KCNIP1: variants seen among roughly 807,000 people sequenced by gnomAD.
KCNIP1 encodes potassium voltage-gated channel interacting protein 1, also known as A-type potassium channel modulatory protein KCNIP1.
Under a neutral mutation model 33.0 loss-of-function variants are expected in KCNIP1, and 18 were observed. The ratio of observed to expected loss-of-function variants is 0.55; its 90% CI spans 0.38 to 0.81. The LOEUF (loss-of-function observed/expected upper bound fraction) is 0.81, where lower values mean the gene tolerates loss of function less well. KCNIP1 is among the 30% of genes least tolerant of loss of function. The pLI is 0.00. For missense variants in KCNIP1, 238 were observed against 271.6 expected, an observed-to-expected ratio of 0.88 and a Z score of 0.87; for synonymous variants, 93 against 98.3, an observed-to-expected ratio of 0.95 and a Z score of 0.32.
At chr5:170,644,023 T>C (rs1172803737) in intron 1 of KCNIP1, among the ~76,000 whole-genome samples, 1 of 152,218 alleles carries the variant, frequency 6.6e-6, no homozygotes, top group Non-Finnish European at 1.5e-5. Flanking sequence ...AAACCACCAG[T>C]GCAAACCTTT....
intron 1 of KCNIP1, among the ~76,000 whole-genome samples, chr5:170,566,340 G>A (rs903081783): frequency 6.6e-5 from 10 of 152,124 alleles, no homozygotes; most frequent in Non-Finnish European, 1.5e-4. Context: ...TGATCCACCC[G>A]CCTCAGCCTC....
chr5:170,711,570 A>G (rs1763444226), intron 1 of KCNIP1, among the ~76,000 whole-genome samples: 1 of 152,236 alleles, frequency 6.6e-6, no homozygotes. Flanking sequence ...TTTAGTTAAT[A>G]TCTACATATC....
At chr5:170,360,767 GCGTTCACCA>G (rs973528779) in intron 1 of KCNIP1, among the ~76,000 whole-genome samples, 1 of 152,232 alleles carries the variant, frequency 6.6e-6, no homozygotes, top group Non-Finnish European at 1.5e-5. Context: ...CCCTGTGAAA[GCGTTCACCA>G]CGTTCACCAC....
chr5:170,575,253 TA>T (rs1328396404), intron 1 of KCNIP1, among the ~76,000 whole-genome samples: 1 of 152,222 alleles, frequency 6.6e-6, no homozygotes, highest in African/African-American at 2.4e-5. Context: ...CTAAAAAGCA[TA>T]AGGATTTTAT....
At chr5:170,682,528 C>T (rs145684058) in intron 1 of KCNIP1, among the ~76,000 whole-genome samples, 205 of 152,216 alleles carry the variant, frequency 1.3e-3, no homozygotes, top group Non-Finnish European at 2.1e-3. Context: ...GAAGCACATT[C>T]GGAAAACTTT....
chr5:170,506,059 G>C (rs1754704782), intron 1 of KCNIP1, among the ~76,000 whole-genome samples: 1 of 152,176 alleles, frequency 6.6e-6, no homozygotes, highest in African/African-American at 2.4e-5. Flanking sequence ...CCAAATATAG[G>C]TCTTCTCCCT....
intron 1 of KCNIP1, among the ~76,000 whole-genome samples, chr5:170,612,546 G>A (rs1298365862): frequency 1.3e-5 from 2 of 152,196 alleles, no homozygotes; most frequent in African/African-American, 2.4e-5. Flanking sequence ...GGCTGAAGAG[G>A]CAGTGCTTCC....
intron 1 of KCNIP1, among the ~76,000 whole-genome samples, chr5:170,458,322 C>T (rs1756434515): frequency 6.6e-6 from 1 of 152,182 alleles, no homozygotes; most frequent in African/African-American, 2.4e-5. Flanking sequence ...GAGCCCTAGA[C>T]ATCCAAATAC....
intron 1 of KCNIP1, among the ~76,000 whole-genome samples, chr5:170,428,006 C>G (rs936957834): frequency 6.6e-6 from 1 of 152,374 alleles, no homozygotes; most frequent in East Asian, 1.9e-4. Flanking sequence ...ATGCCTTCCT[C>G]TCTCCTCCAC....
At chr5:170,436,955 A>G (rs925188290) in intron 1 of KCNIP1, among the ~76,000 whole-genome samples, 2 of 152,156 alleles carry the variant, frequency 1.3e-5, no homozygotes, top group Admixed American at 6.5e-5. Context: ...CTCACAAGAG[A>G]AAAGCAACCA....
At chr5:170,567,862 C>G (rs774182201) in intron 1 of KCNIP1, among the ~76,000 whole-genome samples, 7 of 152,242 alleles carry the variant, frequency 4.6e-5, no homozygotes, top group Non-Finnish European at 8.8e-5. Context: ...CGTCCCACTG[C>G]AGGCAGGCAC....
chr5:170,694,274 A>G (rs949529055), intron 1 of KCNIP1, among the ~76,000 whole-genome samples: 19 of 152,352 alleles, frequency 1.2e-4, no homozygotes, highest in African/African-American at 4.3e-4. Context: ...GTAAAAATTC[A>G]TATATTTTTA....
At chr5:170,420,455 C>T (rs1161496890) in intron 1 of KCNIP1, 2 of 150,990 alleles carry the variant, frequency 1.3e-5, no homozygotes, top group South Asian at 2.1e-4. Context: ...ATCACTTGAA[C>T]CTGGGAGGCC....
intron 1 of KCNIP1, among the ~76,000 whole-genome samples, chr5:170,469,214 G>A (rs192776965): frequency 7.9e-5 from 12 of 152,174 alleles, no homozygotes; most frequent in Admixed American, 7.8e-4. Flanking sequence ...GGGCAACATA[G>A]TGAGACCCGA....
chr5:170,555,472 G>A (rs192872161), intron 1 of KCNIP1, among the ~76,000 whole-genome samples: 1 of 152,170 alleles, frequency 6.6e-6, no homozygotes, highest in African/African-American at 2.4e-5. Flanking sequence ...GGGAAACTGA[G>A]GCTGTAAGTG....
At chr5:170,365,261 C>T (rs1280924821) in intron 1 of KCNIP1, among the ~76,000 whole-genome samples, 1 of 152,190 alleles carries the variant, frequency 6.6e-6, no homozygotes, top group Non-Finnish European at 1.5e-5. Flanking sequence ...GGGCTTCCTC[C>T]TCTTTCCATT....
intron 1 of KCNIP1, chr5:170,639,677 G>A (rs2113693843): frequency 6.6e-6 from 1 of 152,390 alleles, no homozygotes; most frequent in South Asian, 2.1e-4. Context: ...ACGTCCCCGT[G>A]GCCCTTGGAA....
intron 3 of KCNIP1, among the ~76,000 whole-genome samples, chr5:170,720,866 C>T (rs1242626198): frequency 6.6e-6 from 1 of 152,198 alleles, no homozygotes; most frequent in Non-Finnish European, 1.5e-5. Flanking sequence ...TCAGTAAATA[C>T]CGAAGACTAT....
chr5:170,579,029 T>G (rs1456682533), intron 1 of KCNIP1, among the ~76,000 whole-genome samples: 1 of 152,158 alleles, frequency 6.6e-6, no homozygotes, highest in Non-Finnish European at 1.5e-5. Context: ...AGTCAGCAAT[T>G]GTCACTGTAA....
Sources: gnomAD v4.1 joint callset for allele counts (sites outside exome capture counted in the v4.1 genomes callset) on GRCh38, gnomAD v4.1.1 for gene constraint, MANE v1.5 for transcripts, NCBI Gene and HGNC (gene_info 2026-07-23, HGNC 2026-07-21) for gene names.